Variants in DCLK1 observed in about 807,000 individuals in gnomAD.
DCLK1 encodes serine/threonine-protein kinase DCLK1.
DCLK1 carries 16 observed loss-of-function variants against 86.2 expected under a neutral mutation model. That is an observed-to-expected ratio of 0.19 (90% confidence interval 0.13 to 0.28). DCLK1 has a LOEUF of 0.28. Ranked by LOEUF, DCLK1 falls within the 10% of genes least tolerant of loss-of-function variation. The pLI is 1.00. For synonymous variants in DCLK1, 369 were observed against 370.5 expected (o/e 1.00, Z 0.05); for missense variants, 590 against 940.2 (o/e 0.63, Z 4.87).
In DCLK1 at chr13:35,795,925, CA is replaced by C. The variant is rs36039528; in HGVS notation, c.1945-2447del. Among the ~76,000 whole-genome samples the C allele has an allele frequency of 1.4e-3, 123 of 90,112 alleles. No homozygotes were observed. In the South Asian group the frequency reaches 0.014, roughly 10 times the overall value. The allele number at this position is 90,112 out of a possible 152,430, so 59.1% of individuals were successfully genotyped here. A position where few individuals can be genotyped will look rare whatever the true frequency, so the allele number is the denominator to read the frequency against. ...GGGCAACAAAAGCAAAACTCCATCTCAAAAAAAAAAAAAAAAAAACCAACAA... is the reference window on the plus strand; with the variant it reads ...GGGCAACAAAAGCAAAACTCCATCTCAAAAAAAAAAAAAAAAAACCAACAA... On this transcript the variant is annotated intron_variant, in intron 15 of 16. Coordinates refer to ENST00000360631, the MANE Select transcript of DCLK1 (RefSeq NM_001330071.2).
chr13:35,932,002 T>C (rs1176990997), intron 4 of DCLK1, among the ~76,000 whole-genome samples: 2 of 152,184 alleles, frequency 1.3e-5, no homozygotes, highest in Admixed American at 1.3e-4. Flanking sequence ...ATGTGTCAAA[T>C]TGAATGCGCC....
intron 3 of DCLK1, among the ~76,000 whole-genome samples, chr13:35,979,929 T>C (rs1421871378): frequency 1.3e-5 from 2 of 152,188 alleles, no homozygotes; most frequent in Admixed American, 1.3e-4. Flanking sequence ...CAACTCAAAG[T>C]GTGCTGTTGA....
At chr13:36,029,088 T>C (rs1693009949) in intron 3 of DCLK1, among the ~76,000 whole-genome samples, 1 of 152,244 alleles carries the variant, frequency 6.6e-6, no homozygotes, top group African/African-American at 2.4e-5. Context: ...ATTTCTCTAA[T>C]AAACTTGCTT....
Position 35,841,344 on chromosome 13 carries a change from T to A in DCLK1, c.1036-2168A>T, listed in dbSNP as rs1356925193. Among the ~76,000 whole-genome samples the A allele has an allele frequency of 2.0e-5, 3 of 152,168 alleles. No individual in the cohort carries two copies. The East Asian group carries it at 5.8e-4, about 29-fold the overall frequency. ...CTCTGACCCATAGTACATGAAAACA[T>A]CTTTTAAACTGTAACATTCTATAAA... On this transcript the variant is annotated intron_variant, in intron 6 of 16. Transcript: ENST00000360631.
At chr13:35,810,183 A>G (rs1765057061) in intron 12 of DCLK1, among the ~76,000 whole-genome samples, 2 of 152,204 alleles carry the variant, frequency 1.3e-5, no homozygotes, top group Non-Finnish European at 2.9e-5. Flanking sequence ...TATCTAACCC[A>G]TTAGAGTTTC....
At chr13:36,049,366 C>A (rs1268047984) in intron 3 of DCLK1, among the ~76,000 whole-genome samples, 2 of 152,198 alleles carry the variant, frequency 1.3e-5, no homozygotes, top group African/African-American at 4.8e-5. Flanking sequence ...CTGAAAGCCT[C>A]TAACATGTCT....
intron 3 of DCLK1, among the ~76,000 whole-genome samples, chr13:36,045,332 G>A (rs79114409): frequency 0.38 from 21,372 of 55,562 alleles, 3,515 homozygotes; most frequent in East Asian, 0.73. Context: ...GTGTGTGTGT[G>A]TATATATATA....
intron 3 of DCLK1, among the ~76,000 whole-genome samples, chr13:35,984,032 A>G (rs1404610218): frequency 3.3e-5 from 5 of 152,242 alleles, no homozygotes; most frequent in African/African-American, 1.2e-4. Flanking sequence ...AATGGGGCCA[A>G]CACCACTTAC....
intron 3 of DCLK1, among the ~76,000 whole-genome samples, chr13:35,978,590 A>G (rs1879475440): frequency 6.6e-6 from 1 of 152,152 alleles, no homozygotes; most frequent in Non-Finnish European, 1.5e-5. Flanking sequence ...CTAGATTACA[A>G]TTAAGAGAGG....
Position 36,107,646 on chromosome 13 carries a change from CCTAT to C in DCLK1, c.723+4219_723+4222del, listed in dbSNP as rs569284417. Among the ~76,000 whole-genome samples the C allele has an allele frequency of 1.1e-3, 161 of 152,066 alleles. 1 individual carries two copies. Among genetic ancestry groups the C allele is most frequent in the African/African-American group, 3.7e-3 (154 of 41,474 alleles). ...TGGGAAGGGGATCATTGGGAAGTGC[CCTAT>C]CTATGTTCTTTATAGTATAAATCAC... is the stretch of plus-strand genomic sequence containing the variant. On this transcript the variant is annotated intron_variant, in intron 3 of 16. Coordinates refer to ENST00000360631, the MANE Select transcript of DCLK1 (RefSeq NM_001330071.2).
At chr13:35,926,125 C>T (rs1277969600) in intron 4 of DCLK1, among the ~76,000 whole-genome samples, 1 of 151,228 alleles carries the variant, frequency 6.6e-6, no homozygotes. Context: ...GTGGCACGAT[C>T]TTGGCTCACT....
At chr13:36,026,344 A>C (rs1452124341) in intron 3 of DCLK1, among the ~76,000 whole-genome samples, 1 of 152,226 alleles carries the variant, frequency 6.6e-6, no homozygotes, top group African/African-American at 2.4e-5. Context: ...GACTTTCTTC[A>C]TAGATAATGC....
intron 2 of DCLK1, among the ~76,000 whole-genome samples, chr13:36,124,009 A>T (rs67218716): frequency 0.069 from 10,452 of 152,240 alleles, 416 homozygotes; most frequent in East Asian, 0.12. Context: ...TGGGTGGGAA[A>T]CTGATTGAAG....
intron 3 of DCLK1, among the ~76,000 whole-genome samples, chr13:36,012,056 CT>C (rs1169136537): frequency 1.4e-5 from 2 of 141,934 alleles, no homozygotes; most frequent in Admixed American, 7.1e-5. Context: ...CAACCCCTGC[CT>C]TTTTTTGTTT....
chr13:36,128,327 T>G (rs1886258314), intron 1 of DCLK1, among the ~76,000 whole-genome samples: 1 of 152,148 alleles, frequency 6.6e-6, no homozygotes, highest in African/African-American at 2.4e-5. Flanking sequence ...AATATGGAAT[T>G]TATCCAGGGT....
chr13:35,989,275 A>C lies in DCLK1; in HGVS notation c.724-41818T>G, dbSNP rs1170989. 6.7e-3 allele frequency among the ~76,000 whole-genome samples: 1,015 copies of C among 151,998 alleles called. 7 individuals are homozygous for C. The highest frequency in any genetic ancestry group is 0.015 in the South Asian group (72 of 4,806). ...TTCAAAACATGACTTTCTTCTTCTTATTATTATTTTTTCGAGACAGAGTTT... is the reference window on the plus strand; with the variant it reads ...TTCAAAACATGACTTTCTTCTTCTTCTTATTATTTTTTCGAGACAGAGTTT... On this transcript the variant is annotated intron_variant, in intron 3 of 16. Coordinates refer to ENST00000360631, the MANE Select transcript of DCLK1 (RefSeq NM_001330071.2).
At chr13:35,934,030 C>T (rs1327497538) in intron 4 of DCLK1, among the ~76,000 whole-genome samples, 2 of 152,156 alleles carry the variant, frequency 1.3e-5, no homozygotes, top group Non-Finnish European at 1.5e-5. Context: ...CTGCCAGATA[C>T]CCTAAATCAT....
chr13:35,841,428 C>A (rs1269343600), intron 6 of DCLK1, among the ~76,000 whole-genome samples: 1 of 151,982 alleles, frequency 6.6e-6, no homozygotes, highest in African/African-American at 2.4e-5. Flanking sequence ...ACAGTGCCAC[C>A]AAATGGCTGA....
Position 35,914,361 on chromosome 13 carries a change from A to G in DCLK1, c.823+32997T>C, listed in dbSNP as rs1342909023. On this transcript the variant is annotated intron_variant, in intron 4 of 16. Transcript: ENST00000360631. The stretch of plus-strand genomic sequence containing the variant: ...TATATATATATATACATATATATAT[A>G]TATATATGTATATATATATATATAT... Among the ~76,000 whole-genome samples, 3 of 90,304 alleles carry G rather than the reference A, an allele frequency of 3.3e-5. No individual in the cohort carries two copies. In the South Asian group the frequency reaches 1.1e-3, roughly 32 times the overall value. 59.2% of individuals were successfully genotyped at this position (90,304 alleles called of 152,430 possible). A position where few individuals can be genotyped will look rare whatever the true frequency, so the allele number is the denominator to read the frequency against.
Sources: gnomAD v4.1 joint callset for allele counts (sites outside exome capture counted in the v4.1 genomes callset) on GRCh38, gnomAD v4.1.1 for gene constraint, MANE v1.5 for transcripts, NCBI Gene and HGNC (gene_info 2026-07-23, HGNC 2026-07-21) for gene names.